Variants in PRDM9 observed in about 807,000 individuals in gnomAD.
PRDM9 encodes PR/SET domain 9, also known as histone-lysine N-methyltransferase PRDM9.
Under a neutral mutation model 55.6 loss-of-function variants are expected in PRDM9, and 47 were observed. That is an observed-to-expected ratio of 0.85 (90% CI 0.67 to 1.08). The LOEUF (loss-of-function observed/expected upper bound fraction) is 1.08, where lower values mean the gene tolerates loss of function less well. Ranked by LOEUF, PRDM9 falls within the 50% of genes least tolerant of loss-of-function variation. PRDM9 has a pLI of 0.00. For synonymous variants in PRDM9, 312 were observed against 375.7 expected (o/e 0.83, Z 1.96); for missense variants, 867 against 1,040.3 (o/e 0.83, Z 2.29).
rs770444106 is a variant in PRDM9, at chr5:23,526,915, C to G, written c.1827C>G (p.Val609=). ...CACACACAGGGGAGAAGCCCTATGT[C>G]TGCAGGGAGTGTGGGCGGGGCTTTA... The part of the protein sequence containing the change: ...QRTHTGEKPY[V]CRECGRGFSR... Residue 609 remains valine, a synonymous_variant, in exon 11 of 11, where the codon GTC becomes GTG. Transcript: ENST00000296682. 1.9e-6 allele frequency: 3 copies of G among 1,598,676 alleles called. No individual in the cohort carries two copies. Among genetic ancestry groups the G allele is most frequent in the East Asian group, 2.3e-5 (1 of 44,038 alleles).
rs2126428438 is a variant in PRDM9 at position 23,522,862 on chromosome 5, G to A, written c.859G>A (p.Ala287Thr). Residue 287 changes from alanine (A) to threonine (T), a missense_variant, in exon 8 of 11, where the codon GCC becomes ACC. By Grantham distance (58) the Ala-to-Thr change is moderately conservative (BLOSUM62 0). Transcript: ENST00000296682. ...EGRITEDEEAANNGYSWLITK... is the reference protein window; with the variant it reads ...EGRITEDEEATNNGYSWLITK... ...CCGAATTACAGAAGACGAAGAGGCA[G>A]CCAACAATGGATACTCCTGGCTGGT... The A allele has an allele frequency of 6.2e-7, 1 of 1,614,250 alleles. No homozygotes were observed. The highest frequency in any genetic ancestry group is 1.6e-4 in the Middle Eastern group (1 of 6,062).
intron 8 of PRDM9, 51 bp downstream of exon 8, chr5:23,522,936 T>C (rs1277887302): frequency 6.2e-7 from 1 of 1,613,924 alleles, no homozygotes; most frequent in South Asian, 1.1e-5. Flanking sequence ...ATCCCTTCTG[T>C]GCCTTTGGTG....
chr5:23,521,793 C>T (rs961464265), intron 6 of PRDM9, among the ~76,000 whole-genome samples: 7 of 152,160 alleles, frequency 4.6e-5, no homozygotes, highest in African/African-American at 1.7e-4. Flanking sequence ...TATATATAGA[C>T]CAAGTACATT....
chr5:23,526,281 C>G lies in PRDM9; in HGVS notation c.1193C>G (p.Ser398Ter). 3 of 1,614,166 alleles carry G rather than the reference C, an allele frequency of 1.9e-6. No homozygotes were observed. Among genetic ancestry groups the G allele is most frequent in the East Asian group, 2.2e-5 (1 of 44,882 alleles). ...HPCPSCCLAF[S>*]SQKFLSQHVE... ...TGTCCCTCATGCTGTCTGGCCTTTT[C>G]AAGTCAGAAATTTCTCAGTCAACAT... The change falls in exon 11 of 11, where the codon TCA becomes TGA. Residue 398 changes from serine (S) to a stop codon, truncating the protein, a stop_gained. Transcript: ENST00000296682. LOFTEE classifies it low-confidence loss of function (END_TRUNC).
At chr5:23,514,156 C>T (rs1291928633) in intron 4 of PRDM9, among the ~76,000 whole-genome samples, 1 of 152,150 alleles carries the variant, frequency 6.6e-6, no homozygotes, top group African/African-American at 2.4e-5. Flanking sequence ...ATTTATGTAT[C>T]TTCTTTTGAG....
In PRDM9 at chr5:23,526,308, T is replaced by A; in HGVS notation, c.1220T>A (p.Val407Glu). Residue 407 changes from valine (V) to glutamate (E), a missense_variant, in exon 11 of 11, where the codon GTA (valine) becomes GAA (glutamate). Coordinates refer to ENST00000296682, the MANE Select transcript of PRDM9 (RefSeq NM_020227.4). ...FSSQKFLSQH[V>E]ERNHSSQNFP... is the part of the protein sequence containing the mutation. ...AGTCAGAAATTTCTCAGTCAACATGTAGAACGCAATCACTCCTCTCAGAAC... is the reference window on the plus strand; with the variant it reads ...AGTCAGAAATTTCTCAGTCAACATGAAGAACGCAATCACTCCTCTCAGAAC... 1 of 1,614,084 alleles carries A rather than the reference T, an allele frequency of 6.2e-7. No homozygotes were observed. The highest frequency in any genetic ancestry group is 8.5e-7 in the Non-Finnish European group (1 of 1,180,020).
At chr5:23,520,129 T>A (rs1023640234) in intron 5 of PRDM9, among the ~76,000 whole-genome samples, 1 of 149,648 alleles carries the variant, frequency 6.7e-6, no homozygotes, top group Non-Finnish European at 1.5e-5. Context: ...CTTTGGGAGG[T>A]TGAGGTGGGT....
intron 5 of PRDM9, among the ~76,000 whole-genome samples, chr5:23,518,346 A>T (rs1010062864): frequency 2.0e-5 from 3 of 152,226 alleles, no homozygotes; most frequent in Non-Finnish European, 4.4e-5. Context: ...CACTTACAAG[A>T]TCATTAACAC....
chr5:23,522,189 C>T, intron 6 of PRDM9, 115 bp from the exon 7 acceptor site: 1 of 908,538 alleles, frequency 1.1e-6, no homozygotes, highest in Non-Finnish European at 1.8e-6. Flanking sequence ...GAGGGGGACA[C>T]TAGAGTATGT....
Position 23,528,016 on chromosome 5 carries a change from C to G in PRDM9, c.*243C>G. 1 of 622,512 alleles carries G rather than the reference C, an allele frequency of 1.6e-6. No individual in the cohort carries two copies. Among genetic ancestry groups the G allele is most frequent in the South Asian group, 2.0e-5 (1 of 50,298 alleles). 38.6% of individuals were successfully genotyped at this position (622,512 alleles called of 1,614,324 possible). The stretch of plus-strand genomic sequence containing the variant: ...GGGACATCAGCATGTGTGGTTCTTT[C>G]CCGCACTGATCCCCTCCATTTTTTG... On this transcript the variant is annotated 3_prime_UTR_variant, in exon 11 of 11. Coordinates refer to ENST00000296682, the MANE Select transcript of PRDM9 (RefSeq NM_020227.4).
chr5:23,510,867 C>A (rs942831279), intron 4 of PRDM9, among the ~76,000 whole-genome samples: 3 of 151,668 alleles, frequency 2.0e-5, no homozygotes, highest in African/African-American at 7.3e-5. Flanking sequence ...ACCTCCTGGC[C>A]AGGCACAGTG....
At chr5:23,525,406 A>G (rs1739411448) in intron 10 of PRDM9, among the ~76,000 whole-genome samples, 2 of 152,200 alleles carry the variant, frequency 1.3e-5, no homozygotes, top group South Asian at 2.1e-4. Flanking sequence ...AAGACTTCCT[A>G]TTGTATTTGA....
At chr5:23,520,920 G>C in intron 5 of PRDM9, 103 bp from the exon 6 acceptor site, 1 of 1,346,572 alleles carries the variant, frequency 7.4e-7, no homozygotes, top group Non-Finnish European at 1.0e-6. Flanking sequence ...GTATTTTCAA[G>C]GTTTGAACAT....
intron 4 of PRDM9, among the ~76,000 whole-genome samples, chr5:23,517,152 CAA>C (rs753493547): frequency 0.02 from 1,225 of 62,604 alleles, 36 homozygotes; most frequent in African/African-American, 0.058. Context: ...GACTCCATCT[CAA>C]AAAAAAAAAA....
At chr5:23,521,491 CTGTGCCCGGCTGATTTT>C (rs1367293513) in intron 6 of PRDM9, among the ~76,000 whole-genome samples, 2 of 152,184 alleles carry the variant, frequency 1.3e-5, no homozygotes, top group East Asian at 3.9e-4. Flanking sequence ...GCGTGCGCCA[CTGTGCCCGGCTGATTTT>C]TGTATTTTTA....
intron 5 of PRDM9, among the ~76,000 whole-genome samples, chr5:23,518,209 T>C (rs1464675452): frequency 6.6e-6 from 1 of 152,214 alleles, no homozygotes; most frequent in Non-Finnish European, 1.5e-5. Context: ...ATATAGTACC[T>C]ATTAAGTAGA....
intron 4 of PRDM9, among the ~76,000 whole-genome samples, chr5:23,515,776 T>C (rs1404618048): frequency 6.6e-6 from 1 of 152,190 alleles, no homozygotes; most frequent in Non-Finnish European, 1.5e-5. Flanking sequence ...TGTCCTTTCC[T>C]CCATTGTGTA....
intron 5 of PRDM9, among the ~76,000 whole-genome samples, chr5:23,519,299 A>T (rs1739280157): frequency 1.3e-5 from 2 of 152,164 alleles, no homozygotes. Context: ...GGCTCAAGCC[A>T]TCCTCCCACC....
chr5:23,522,114 T>C (rs545202355), intron 6 of PRDM9, among the ~76,000 whole-genome samples, 190 bp from the exon 7 acceptor site: 1 of 152,320 alleles, frequency 6.6e-6, no homozygotes, highest in African/African-American at 2.4e-5. Flanking sequence ...CAGAAACTAA[T>C]ATTAAATAGG....
Sources: gnomAD v4.1 joint callset for allele counts (sites outside exome capture counted in the v4.1 genomes callset) on GRCh38, gnomAD v4.1.1 for gene constraint, MANE v1.5 for transcripts, NCBI Gene and HGNC (gene_info 2026-07-23, HGNC 2026-07-21) for gene names.